Variants in C7 observed in about 807,000 individuals in gnomAD.
C7 encodes the protein complement C7.
A neutral mutation model predicts 104.8 loss-of-function variants in C7; 83 were observed. That is an observed-to-expected ratio of 0.79 (90% CI 0.66 to 0.95). C7 has a LOEUF of 0.95. C7 is among the 40% of genes least tolerant of loss of function. The pLI, the probability that C7 is intolerant of heterozygous loss-of-function variation, is 0.00. For synonymous variants in C7, 415 were observed against 360.6 expected, an observed-to-expected ratio of 1.15 and a Z score of -1.71; for missense variants, 1,070 against 1,011.2, an observed-to-expected ratio of 1.06 and a Z score of -0.79.
Position 40,911,655 on chromosome 5 carries a change from AGAG to A in C7, c.6+2043_6+2045del, listed in dbSNP as rs375273266. 5.9e-5 allele frequency among the ~76,000 whole-genome samples: 9 copies of A among 152,320 alleles called. No individual in the cohort carries two copies. In the East Asian group the frequency reaches 9.6e-4, roughly 16 times the overall value. On this transcript the variant is annotated intron_variant, in intron 1 of 17. Transcript: ENST00000313164. ...GCTAATGCTCATTCATTGATGATAA[AGAG>A]GAGAAGATAATTCAGGGGAATGTAG...
chr5:40,922,407 A>T (rs1309926326), intron 1 of C7, among the ~76,000 whole-genome samples: 24 of 146,690 alleles, frequency 1.6e-4, no homozygotes, highest in Non-Finnish European at 9.0e-5. Context: ...AAAAAGAAGA[A>T]CATACACTCG....
At position 40,909,599 on chromosome 5, in the gene C7, G is replaced by A. The variant is rs767848773; in HGVS notation, c.-12G>A. ...CTTCCTCCTCTCTTCTGCCCTGAAT[G>A]TTTTCCCAAACATGAAGGTAAGACA... On this transcript the variant is annotated 5_prime_UTR_variant, in exon 1 of 18. An upstream start codon of the reference 5' UTR is lost. Transcript: ENST00000313164. The A allele has an allele frequency of 1.6e-5, 25 of 1,566,548 alleles. No individual in the cohort carries two copies. The highest frequency in any genetic ancestry group is 2.1e-5 in the Non-Finnish European group (24 of 1,146,214).
chr5:40,964,038 T>G (rs975495801), intron 13 of C7, among the ~76,000 whole-genome samples: 3 of 131,310 alleles, frequency 2.3e-5, no homozygotes, highest in African/African-American at 8.2e-5. Flanking sequence ...TTTTTTTTTT[T>G]TTTTTTTTTT....
chr5:40,922,007 C>T (rs7701643), intron 1 of C7, among the ~76,000 whole-genome samples: 34,366 of 151,744 alleles, frequency 0.23, 4,065 homozygotes, highest in East Asian at 0.32. Flanking sequence ...CATTGCACTC[C>T]AGCCTGGGTG....
chr5:40,936,526 T>C (rs1361608653), intron 5 of C7, 41 bp downstream of exon 5: 1 of 1,573,310 alleles, frequency 6.4e-7, no homozygotes, highest in Middle Eastern at 1.7e-4. Context: ...CAGTGAATTG[T>C]AGTTTTAAAT....
rs775470168 is a variant in C7 at position 40,959,444 on chromosome 5, TG to T, written c.1490-4del. ...TTATTGATCAACCTCTTTCTCATCT[TG>T]TAGGAGGGGTTGATGGAGGTTGGAG... On this transcript the variant is annotated splice_polypyrimidine_tract_variant and splice_region_variant and intron_variant, in intron 11 of 17. Transcript: ENST00000313164. 74 of 1,608,328 alleles carry T rather than the reference TG, an allele frequency of 4.6e-5. No individual in the cohort carries two copies. The South Asian group carries it at 7.8e-4, about 17-fold the overall frequency.
At chr5:40,944,210 A>T (rs2111620037) in intron 6 of C7, among the ~76,000 whole-genome samples, 1 of 152,324 alleles carries the variant, frequency 6.6e-6, no homozygotes, top group Admixed American at 6.5e-5. Flanking sequence ...AGAGCTCCCA[A>T]TTTGAATATT....
Position 40,945,327 on chromosome 5 carries a change from C to T in C7, c.697C>T (p.Arg233Cys), listed in dbSNP as rs766746607. ...TTTTAGATCTTCATCATCTTCTTCA[C>T]GCAGTTATACTTCACATACCAATGA... is the stretch of plus-strand genomic sequence containing the variant. ...SFFRSSSSSSRSYTSHTNEIH... is the reference protein window; with the variant it reads ...SFFRSSSSSSCSYTSHTNEIH... The change falls in exon 7 of 18, where the codon CGC becomes TGC. Residue 233 changes from arginine (R) to cysteine (C), a missense_variant. Coordinates refer to ENST00000313164, the MANE Select transcript of C7 (RefSeq NM_000587.4). 26 of 1,607,768 alleles carry T rather than the reference C, an allele frequency of 1.6e-5. No homozygotes were observed. The highest frequency in any genetic ancestry group is 1.3e-4 in the East Asian group (6 of 44,604).
At chr5:40,978,911 A>ATTTTTTTTTTT (rs1554044836) in intron 16 of C7, among the ~76,000 whole-genome samples, 1 of 74,472 alleles carries the variant, frequency 1.3e-5, no homozygotes, top group African/African-American at 4.5e-5. Flanking sequence ...ACACAGTTTC[A>ATTTTTTTTTTT]TTCAGTCATC....
intron 1 of C7, among the ~76,000 whole-genome samples, chr5:40,913,520 T>G (rs12659571): frequency 0.23 from 34,659 of 151,850 alleles, 4,147 homozygotes; most frequent in East Asian, 0.35. Flanking sequence ...AGAGAGATGG[T>G]GTCTTGCTCT....
intron 11 of C7, among the ~76,000 whole-genome samples, chr5:40,958,966 C>T (rs1047942595): frequency 1.3e-5 from 2 of 152,080 alleles, no homozygotes; most frequent in South Asian, 2.1e-4. Flanking sequence ...GGCTTATATA[C>T]AAGCATTACA....
intron 8 of C7, among the ~76,000 whole-genome samples, chr5:40,949,360 C>CAAA (rs397697540): frequency 0.01 from 1,298 of 127,800 alleles, 11 homozygotes; most frequent in Admixed American, 0.018. Flanking sequence ...AATGCATTGG[C>CAAA]AAAAAAAAAA....
At chr5:40,978,876 T>TTTTTTTTTTTTTA (rs1740876659) in intron 16 of C7, among the ~76,000 whole-genome samples, 1 of 71,866 alleles carries the variant, frequency 1.4e-5, no homozygotes, top group African/African-American at 7.1e-5. Context: ...TATGGAAATT[T>TTTTTTTTTTTTTA]TTTTTTTTTT....
chr5:40,928,751 C>A, intron 2 of C7, 116 bp downstream of exon 2: 2 of 556,022 alleles, frequency 3.6e-6, no homozygotes, highest in Admixed American at 3.7e-5. Context: ...AACATATTTT[C>A]TCTTTCCATA....
chr5:40,971,879 T>G, intron 14 of C7: 1 of 192,550 alleles, frequency 5.2e-6, no homozygotes, highest in South Asian at 7.8e-5. Flanking sequence ...CCCAGGAATT[T>G]GAGGCTGTAG....
At position 40,981,829 on chromosome 5, in the gene C7, G is replaced by T. The variant is rs1189320623; in HGVS notation, c.*256G>T. ...CTGGCTGCGTGTTCTTGAAATAGGT[G>T]TTACCTTCTCTGGGCCTTGGTTTTT... On this transcript the variant is annotated 3_prime_UTR_variant, in exon 18 of 18. Transcript: ENST00000313164. The T allele has an allele frequency of 2.9e-5, 10 of 340,586 alleles. No individual in the cohort carries two copies. The highest frequency in any genetic ancestry group is 5.3e-5 in the Non-Finnish European group (10 of 189,024). 21.1% of individuals were successfully genotyped at this position (340,586 alleles called of 1,614,324 possible).
chr5:40,922,766 G>A (rs934010223), intron 1 of C7, among the ~76,000 whole-genome samples: 2 of 151,284 alleles, frequency 1.3e-5, no homozygotes, highest in African/African-American at 4.9e-5. Context: ...TGGGAAAACT[G>A]GGCATCCATA....
chr5:40,983,037 T>C lies in C7; in HGVS notation c.*1464T>C, dbSNP rs962153435. 3 of 152,382 alleles carry C rather than the reference T, an allele frequency of 2.0e-5. No individual in the cohort carries two copies. Among genetic ancestry groups the C allele is most frequent in the Non-Finnish European group, 2.9e-5 (2 of 68,042 alleles). 9.4% of individuals were successfully genotyped at this position (152,382 alleles called of 1,614,324 possible). ...GTTTTATGTCTGATCCAGATCTAGCTTTTTGTATCAAAGTGTGCCCTAAGG... is the reference window on the plus strand; with the variant it reads ...GTTTTATGTCTGATCCAGATCTAGCCTTTTGTATCAAAGTGTGCCCTAAGG... On this transcript the variant is annotated 3_prime_UTR_variant, in exon 18 of 18. Coordinates refer to ENST00000313164, the MANE Select transcript of C7 (RefSeq NM_000587.4).
intron 1 of C7, among the ~76,000 whole-genome samples, chr5:40,917,675 A>G (rs935176058): frequency 6.6e-6 from 1 of 152,152 alleles, no homozygotes; most frequent in Non-Finnish European, 1.5e-5. Flanking sequence ...TGCTTGTTCT[A>G]TTTTTAATTT....
Sources: gnomAD v4.1 joint callset for allele counts (sites outside exome capture counted in the v4.1 genomes callset) on GRCh38, gnomAD v4.1.1 for gene constraint, MANE v1.5 for transcripts, NCBI Gene and HGNC (gene_info 2026-07-23, HGNC 2026-07-21) for gene names.